Variants in TCERG1L observed in about 807,000 individuals in gnomAD.
The protein encoded by TCERG1L is transcription elongation regulator 1-like protein.
TCERG1L carries 37 observed loss-of-function variants against 56.3 expected under a neutral mutation model. That is an observed-to-expected ratio of 0.66 (90% CI 0.51 to 0.87). The LOEUF is 0.87. Ranked by LOEUF, TCERG1L falls within the 40% of genes least tolerant of loss-of-function variation. TCERG1L has a pLI of 0.00. For synonymous variants in TCERG1L, 324 were observed against 326.3 expected (o/e 0.99, Z 0.08); for missense variants, 799 against 774.2 (o/e 1.03, Z -0.38).
intron 4 of TCERG1L, among the ~76,000 whole-genome samples, chr10:131,209,317 A>C (rs1845589803): frequency 6.6e-6 from 1 of 152,208 alleles, no homozygotes; most frequent in Admixed American, 6.5e-5. Context: ...CCTGGCTCTG[A>C]CAAAGAAGCC....
At chr10:131,226,956 G>T (rs577869871) in intron 4 of TCERG1L, among the ~76,000 whole-genome samples, 1 of 152,240 alleles carries the variant, frequency 6.6e-6, no homozygotes, top group Admixed American at 6.5e-5. Context: ...GTCAGCTCCC[G>T]CAGCACGAGA....
chr10:131,178,254 C>A (rs11017797), intron 4 of TCERG1L, among the ~76,000 whole-genome samples: 74,942 of 152,052 alleles, frequency 0.49, 21,032 homozygotes, highest in South Asian at 0.77. Flanking sequence ...AGCGGTGACC[C>A]TGCCAGGTGC....
chr10:131,126,144 C>G (rs1319757194), intron 8 of TCERG1L, among the ~76,000 whole-genome samples: 2 of 152,236 alleles, frequency 1.3e-5, no homozygotes, highest in Admixed American at 6.5e-5. Context: ...CCGGGAATCA[C>G]AAACCAATTC....
chr10:131,223,577 ACAAAG>A lies in TCERG1L; in HGVS notation c.856+36677_856+36681del, dbSNP rs1333198125. 3.7e-5 allele frequency among the ~76,000 whole-genome samples: 5 copies of A among 135,556 alleles called. No individual in the cohort carries two copies. In the East Asian group the frequency reaches 1.0e-3, roughly 28 times the overall value. 88.9% of individuals were successfully genotyped at this position (135,556 alleles called of 152,430 possible). A position where few individuals can be genotyped will look rare whatever the true frequency, so the allele number is the denominator to read the frequency against. On this transcript the variant is annotated intron_variant, in intron 4 of 11. Transcript: ENST00000368642. ...CAAAACCAACAGCTACAAAAATAAA[ACAAAG>A]CACATGTGTGCACACTCACCCACAT...
intron 3 of TCERG1L, among the ~76,000 whole-genome samples, chr10:131,303,136 T>C (rs893619992): frequency 6.6e-6 from 1 of 152,090 alleles, no homozygotes. Context: ...CCTCTGGGTA[T>C]ATACCCAGTA....
At chr10:131,133,457 G>C (rs1361195633) in intron 8 of TCERG1L, among the ~76,000 whole-genome samples, 1 of 152,158 alleles carries the variant, frequency 6.6e-6, no homozygotes, top group South Asian at 2.1e-4. Context: ...CAGGATGAAC[G>C]CACCTGTGGG....
intron 6 of TCERG1L, among the ~76,000 whole-genome samples, chr10:131,157,027 A>C (rs1214588849): frequency 6.6e-6 from 1 of 152,226 alleles, no homozygotes; most frequent in African/African-American, 2.4e-5. Context: ...GCAGAAATGC[A>C]GTCAGCCCCT....
chr10:131,115,332 C>T (rs1845446828), intron 9 of TCERG1L, among the ~76,000 whole-genome samples: 1 of 152,244 alleles, frequency 6.6e-6, no homozygotes, highest in South Asian at 2.1e-4. Context: ...GGAGAAACTA[C>T]AACAAAGACC....
At chr10:131,240,802 G>C (rs539884052) in intron 4 of TCERG1L, among the ~76,000 whole-genome samples, 4 of 152,344 alleles carry the variant, frequency 2.6e-5, no homozygotes, top group Admixed American at 1.3e-4. Context: ...GCCTCTCACA[G>C]ATGAGAGAGA....
At chr10:131,231,879 A>G (rs1845856498) in intron 4 of TCERG1L, among the ~76,000 whole-genome samples, 1 of 152,164 alleles carries the variant, frequency 6.6e-6, no homozygotes, top group African/African-American at 2.4e-5. Context: ...AGGGGAGAGC[A>G]GCTCCAGCCA....
chr10:131,127,414 C>T (rs1047886443), intron 8 of TCERG1L, among the ~76,000 whole-genome samples: 4 of 152,310 alleles, frequency 2.6e-5, no homozygotes, highest in African/African-American at 9.6e-5. Flanking sequence ...CGGGCCTCTG[C>T]GGCTAAGAGG....
At chr10:131,269,304 A>G (rs1258478374) in intron 3 of TCERG1L, among the ~76,000 whole-genome samples, 1 of 152,128 alleles carries the variant, frequency 6.6e-6, no homozygotes, top group African/African-American at 2.4e-5. Context: ...CTCCTGCCTC[A>G]GACTCCCGAG....
intron 4 of TCERG1L, among the ~76,000 whole-genome samples, chr10:131,245,516 C>A (rs1322718842): frequency 6.6e-6 from 1 of 152,192 alleles, no homozygotes; most frequent in Non-Finnish European, 1.5e-5. Context: ...TTCTGCATTT[C>A]CACCCAAAAC....
chr10:131,120,101 G>A (rs571762938), intron 8 of TCERG1L, among the ~76,000 whole-genome samples: 2 of 152,188 alleles, frequency 1.3e-5, no homozygotes, highest in South Asian at 2.1e-4. Flanking sequence ...CTCTTCTCCC[G>A]GTTCTGTCCC....
chr10:131,283,942 G>T (rs1846492147), intron 3 of TCERG1L, among the ~76,000 whole-genome samples: 1 of 152,016 alleles, frequency 6.6e-6, no homozygotes, highest in South Asian at 2.1e-4. Flanking sequence ...GGCCAACATT[G>T]TGAAACCCTG....
chr10:131,258,298 C>T (rs920222359), intron 4 of TCERG1L, among the ~76,000 whole-genome samples: 1 of 152,248 alleles, frequency 6.6e-6, no homozygotes, highest in Non-Finnish European at 1.5e-5. Context: ...AGCTCTCTAT[C>T]CCATCTCCGT....
intron 4 of TCERG1L, among the ~76,000 whole-genome samples, chr10:131,197,652 G>C (rs923374659): frequency 3.3e-5 from 5 of 152,174 alleles, no homozygotes; most frequent in East Asian, 1.9e-4. Flanking sequence ...TCTACCCAGG[G>C]AGATGGCCCA....
At chr10:131,280,953 C>G (rs575593785) in intron 3 of TCERG1L, among the ~76,000 whole-genome samples, 3 of 152,104 alleles carry the variant, frequency 2.0e-5, no homozygotes, top group Non-Finnish European at 4.4e-5. Flanking sequence ...TGTGGCCGCA[C>G]CTTCCCCCTC....
intron 4 of TCERG1L, among the ~76,000 whole-genome samples, chr10:131,187,865 T>C (rs933168690): frequency 3.3e-5 from 5 of 152,290 alleles, no homozygotes; most frequent in African/African-American, 1.2e-4. Context: ...AAAAGCATCC[T>C]CTGCAGAGGG....
Sources: gnomAD v4.1 joint callset for allele counts (sites outside exome capture counted in the v4.1 genomes callset) on GRCh38, gnomAD v4.1.1 for gene constraint, MANE v1.5 for transcripts, NCBI Gene and HGNC (gene_info 2026-07-23, HGNC 2026-07-21) for gene names.